Variants in CLEC16A observed in about 807,000 individuals in gnomAD.
The protein encoded by CLEC16A is C-type lectin domain containing 16A.
Under a neutral mutation model 109.5 loss-of-function variants are expected in CLEC16A, and 51 were observed. That is an observed-to-expected ratio of 0.47 (90% CI 0.37 to 0.59). CLEC16A has a LOEUF of 0.59. CLEC16A is among the 20% of genes least tolerant of loss of function. The pLI is 0.00. For missense variants in CLEC16A, 1,339 were observed against 1,394.0 expected, an observed-to-expected ratio of 0.96 and a Z score of 0.63; for synonymous variants, 673 against 564.2, an observed-to-expected ratio of 1.19 and a Z score of -2.73.
rs558418517 is a variant in CLEC16A at position 11,043,908 on chromosome 16, C to T, written c.1771-120C>T. The T allele has an allele frequency of 2.6e-4, 159 of 619,400 alleles. 7 individuals are homozygous for T. Among genetic ancestry groups the T allele is most frequent in the South Asian group, 1.3e-3 (43 of 31,856 alleles). The allele number at this position is 619,400 out of a possible 1,614,324, so 38.4% of individuals were successfully genotyped here. ...GAAAAAAAAAAAACACCATTTTATA[C>T]ATTAAGGATATTAGTCCAGATCTGT... On this transcript the variant is annotated intron_variant, in intron 15 of 23. Coordinates refer to ENST00000409790, the MANE Select transcript of CLEC16A (RefSeq NM_015226.3).
At chr16:11,141,782 G>A (rs2053842526) in intron 22 of CLEC16A, among the ~76,000 whole-genome samples, 1 of 152,216 alleles carries the variant, frequency 6.6e-6, no homozygotes, top group Non-Finnish European at 1.5e-5. Context: ...GCCTGGTTAT[G>A]ACAGATCTGC....
At chr16:10,983,198 T>C (rs77330898) in intron 10 of CLEC16A, among the ~76,000 whole-genome samples, 6,761 of 152,284 alleles carry the variant, frequency 0.044, 541 homozygotes, top group African/African-American at 0.15. Flanking sequence ...TTTGATTGAT[T>C]GTGTGTTCTT....
At chr16:11,123,282 C>A (rs1027053635) in intron 20 of CLEC16A, among the ~76,000 whole-genome samples, 7 of 152,198 alleles carry the variant, frequency 4.6e-5, no homozygotes, top group Admixed American at 3.9e-4. Flanking sequence ...CCAACGATGT[C>A]CCCTTCTTAG....
Position 11,166,560 on chromosome 16 carries a change from C to A in CLEC16A, c.2806+8C>A, listed in dbSNP as rs746334488. On this transcript the variant is annotated splice_region_variant and intron_variant, in intron 23 of 23. Transcript: ENST00000409790. ...CAGCCCAGAGTCCAGCAGGTATTGGCCACGTGACTCAGTGATATGGGGACA... is the reference window on the plus strand; with the variant it reads ...CAGCCCAGAGTCCAGCAGGTATTGGACACGTGACTCAGTGATATGGGGACA... 1.3e-6 allele frequency: 2 copies of A among 1,578,434 alleles called. No homozygotes were observed. Among genetic ancestry groups the A allele is most frequent in the South Asian group, 2.3e-5 (2 of 87,814 alleles).
intron 1 of CLEC16A, among the ~76,000 whole-genome samples, chr16:10,948,696 C>T (rs1336714029): frequency 6.6e-6 from 1 of 152,176 alleles, no homozygotes; most frequent in Non-Finnish European, 1.5e-5. Context: ...TTGCCTTAAG[C>T]CTCAAATGGA....
chr16:10,975,635 T>A (rs775527368), intron 7 of CLEC16A, among the ~76,000 whole-genome samples: 5 of 152,098 alleles, frequency 3.3e-5, no homozygotes, highest in Admixed American at 6.5e-5. Context: ...GCTGTAAATA[T>A]TTACCAAATA....
At chr16:11,075,398 G>GTGTC (rs2049299433) in intron 19 of CLEC16A, among the ~76,000 whole-genome samples, 3 of 134,426 alleles carry the variant, frequency 2.2e-5, no homozygotes, top group African/African-American at 8.9e-5. Context: ...GTGTGTGTGT[G>GTGTC]TGTGTGTGTG....
At chr16:11,086,526 G>A (rs977944848) in intron 19 of CLEC16A, among the ~76,000 whole-genome samples, 1 of 152,088 alleles carries the variant, frequency 6.6e-6, no homozygotes, top group African/African-American at 2.4e-5. Flanking sequence ...GGTGAGAGCC[G>A]AGACATTATT....
chr16:11,123,423 C>T (rs937782578), intron 20 of CLEC16A, among the ~76,000 whole-genome samples: 1 of 152,138 alleles, frequency 6.6e-6, no homozygotes, highest in Non-Finnish European at 1.5e-5. Context: ...TTACCTGTGG[C>T]CCCTTGAAGA....
At position 11,178,644 on chromosome 16, in the gene CLEC16A, G is replaced by T. The variant is rs200722032; in HGVS notation, c.3116G>T (p.Gly1039Val). Reference protein sequence around the residue: ...TPAAACTEPVGEEAACAEPVG... With the variant: ...TPAAACTEPVVEEAACAEPVG... ...GCTGCCGCCTGCACAGAGCCCGTGG[G>T]CGAAGAGGCTGCATGTGCTGAGCCT... Residue 1039 changes from glycine to valine, a missense_variant, in exon 24 of 24, where the codon GGC (glycine) becomes GTC (valine). By Grantham distance (109) the Gly-to-Val change is moderately radical. Around this residue, in one of 3 missense-constraint regions of CLEC16A, gnomAD observed 1,061 missense variants for 1,006.8 expected, o/e 1.05. Coordinates refer to ENST00000409790, the MANE Select transcript of CLEC16A (RefSeq NM_015226.3). This position sits in a 1 kb window ranked among gnomAD's most constrained non-coding sequence, Gnocchi z 6.5. 1.3e-6 allele frequency: 2 copies of T among 1,575,840 alleles called. No homozygotes were observed. The highest frequency in any genetic ancestry group is 8.6e-7 in the Non-Finnish European group (1 of 1,166,088).
intron 19 of CLEC16A, among the ~76,000 whole-genome samples, chr16:11,097,947 A>C (rs1329554649): frequency 6.6e-6 from 1 of 152,146 alleles, no homozygotes; most frequent in Non-Finnish European, 1.5e-5. Context: ...AGGTGTAGGG[A>C]GGTCTGCCTC....
intron 23 of CLEC16A, among the ~76,000 whole-genome samples, chr16:11,177,256 G>C (rs1171920199): frequency 6.6e-6 from 1 of 152,190 alleles, no homozygotes; most frequent in African/African-American, 2.4e-5. Context: ...TGGTGTTTCT[G>C]TTCAGGCAGG....
At chr16:11,037,413 C>G (rs2047083609) in intron 13 of CLEC16A, among the ~76,000 whole-genome samples, 2 of 152,208 alleles carry the variant, frequency 1.3e-5, no homozygotes, top group Non-Finnish European at 2.9e-5. Flanking sequence ...GGACTTGGAA[C>G]CTGGTACAGA....
At chr16:10,972,857 C>A in intron 6 of CLEC16A, 81 bp from the exon 7 acceptor site, 1 of 1,431,506 alleles carries the variant, frequency 7.0e-7, no homozygotes, top group South Asian at 1.5e-5. Context: ...TTGGGTTTTG[C>A]TTTGTTTTTG....
At chr16:11,165,120 C>T (rs2068201966) in intron 22 of CLEC16A, among the ~76,000 whole-genome samples, 1 of 152,198 alleles carries the variant, frequency 6.6e-6, no homozygotes. Flanking sequence ...GGGCTGAAGT[C>T]GTGGCCTGCA....
rs201642352 is a variant in CLEC16A, at chr16:11,178,561, C to G, written c.3033C>G (p.Pro1011=). ...TLSVESLTLV[P]PVDPHSLRSL... The stretch of plus-strand genomic sequence containing the variant: ...GCGTCGAATCGCTGACCCTTGTCCC[C>G]CCAGTTGACCCCCACAGCCTCCGCA... Residue 1011 remains proline (P), a synonymous_variant, in exon 24 of 24, where the codon CCC becomes CCG. Transcript: ENST00000409790. The surrounding 1 kb of genome is among the most constrained non-coding windows in gnomAD (Gnocchi z 6.5). 1 of 1,612,202 alleles carries G rather than the reference C, an allele frequency of 6.2e-7. No homozygotes were observed. The highest frequency in any genetic ancestry group is 1.3e-5 in the African/African-American group (1 of 75,056).
Position 10,962,567 on chromosome 16 carries a change from A to G in CLEC16A, c.322A>G (p.Ile108Val). The change falls in exon 3 of 24, where the codon ATC (isoleucine) becomes GTC (valine). Residue 108 changes from isoleucine to valine, a missense_variant. Coordinates refer to ENST00000409790, the MANE Select transcript of CLEC16A (RefSeq NM_015226.3). The part of the protein sequence containing the change: ...LQTLNILFEN[I>V]SHETSLYYLL... Reference sequence around the variant, plus strand: ...GACCTTGAACATCCTCTTTGAGAACATCAGTCACGAGACCTCACTTTGTAA... The same window carrying G: ...GACCTTGAACATCCTCTTTGAGAACGTCAGTCACGAGACCTCACTTTGTAA... The G allele has an allele frequency of 6.2e-7, 1 of 1,613,816 alleles. No individual in the cohort carries two copies. Among genetic ancestry groups the G allele is most frequent in the Non-Finnish European group, 8.5e-7 (1 of 1,179,792 alleles).
In CLEC16A at chr16:11,174,518, G is replaced by A. The variant is rs182994101; in HGVS notation, c.2807-3817G>A. ...CTTCGCGACAGTCCTTCACCTTCGC[G>A]ACAGTCCTTCTGAGCCAGACCTGTA... On this transcript the variant is annotated intron_variant, in intron 23 of 23. Coordinates refer to ENST00000409790, the MANE Select transcript of CLEC16A (RefSeq NM_015226.3). This position sits in a 1 kb window ranked among gnomAD's most constrained non-coding sequence, Gnocchi z 4.7. Among the ~76,000 whole-genome samples, 6 of 152,300 alleles carry A rather than the reference G, an allele frequency of 3.9e-5. No homozygotes were observed. The highest frequency in any genetic ancestry group is 2.0e-4 in the Admixed American group (3 of 15,308).
chr16:11,011,386 T>G (rs1191837859), intron 11 of CLEC16A, among the ~76,000 whole-genome samples: 1 of 152,212 alleles, frequency 6.6e-6, no homozygotes, highest in Non-Finnish European at 1.5e-5. Context: ...AATTTTCTAA[T>G]GGTTTATAGT....
Sources: gnomAD v4.1 joint callset for allele counts (sites outside exome capture counted in the v4.1 genomes callset) on GRCh38, gnomAD v4.1.1 for gene constraint, gnomAD v4.1.1 regional missense constraint, Gnocchi (gnomAD v3.1) non-coding constraint, MANE v1.5 for transcripts, NCBI Gene and HGNC (gene_info 2026-07-23, HGNC 2026-07-21) for gene names.